DAB1: variants seen among roughly 807,000 people sequenced by gnomAD.
DAB1 encodes the protein DAB adaptor protein 1.
In DAB1, 15 loss-of-function variants were observed where a neutral mutation model predicts 64.6. That is an observed-to-expected ratio of 0.23 (90% CI 0.16 to 0.36). DAB1 has a LOEUF of 0.36. DAB1 is among the 10% of genes least tolerant of loss of function. The pLI is 1.00. For synonymous variants in DAB1, 235 were observed against 251.9 expected (o/e 0.93, Z 0.64); for missense variants, 596 against 706.7 (o/e 0.84, Z 1.78).
At chr1:57,098,145 G>A (rs1654343609) in intron 4 of DAB1, among the ~76,000 whole-genome samples, 2 of 152,024 alleles carry the variant, frequency 1.3e-5, no homozygotes, top group Non-Finnish European at 2.9e-5. Flanking sequence ...TCCAACCTAA[G>A]GTGGGAAAAA....
chr1:57,755,652 G>C (rs1648769964), intron 6 of DAB1, among the ~76,000 whole-genome samples: 1 of 152,108 alleles, frequency 6.6e-6, no homozygotes, highest in Non-Finnish European at 1.5e-5. Flanking sequence ...AGGTCTTACG[G>C]ATCAACTTCC....
chr1:57,934,779 G>A (rs747287818), intron 5 of DAB1, among the ~76,000 whole-genome samples: 12 of 152,130 alleles, frequency 7.9e-5, no homozygotes, highest in Admixed American at 1.3e-4. Flanking sequence ...GTTACGCTGC[G>A]ACAGTAGACA....
chr1:57,371,423 C>G (rs1680486551), intron 1 of DAB1, among the ~76,000 whole-genome samples: 1 of 152,168 alleles, frequency 6.6e-6, no homozygotes, highest in African/African-American at 2.4e-5. Flanking sequence ...GTGCGCATTA[C>G]TATTCAGACA....
In DAB1 at chr1:57,456,150, C is replaced by T. The variant is rs190735758; in HGVS notation, n.626-164984G>A. On this transcript the variant is annotated intron_variant and non_coding_transcript_variant, in intron 7 of 20. Coordinates refer to the DAB1 transcript ENST00000485760. ...GTTTCCTAGGATCACACAGAGTGAG[C>T]TTCTTCTCTTATGCACAGCAGTATT... Among the ~76,000 whole-genome samples, 85 of 152,256 alleles carry T rather than the reference C, an allele frequency of 5.6e-4. 1 individual carries two copies. Among genetic ancestry groups the T allele is most frequent in the South Asian group, 3.7e-3 (18 of 4,822 alleles).
At chr1:57,658,624 A>G (rs1187771280) in intron 6 of DAB1, among the ~76,000 whole-genome samples, 2 of 151,460 alleles carry the variant, frequency 1.3e-5, no homozygotes, top group African/African-American at 4.9e-5. Flanking sequence ...GTACAATGGC[A>G]TGATCTCAGC....
At chr1:57,952,589 CA>C (rs1645302748) in intron 5 of DAB1, among the ~76,000 whole-genome samples, 1 of 152,154 alleles carries the variant, frequency 6.6e-6, no homozygotes, top group Admixed American at 6.5e-5. Flanking sequence ...AAACAGAGCA[CA>C]GACTTACTTC....
intron 2 of DAB1, among the ~76,000 whole-genome samples, chr1:57,146,341 G>A (rs1204157533): frequency 1.3e-5 from 2 of 152,202 alleles, no homozygotes; most frequent in Non-Finnish European, 2.9e-5. Flanking sequence ...ACTTTGATTA[G>A]TCAGAGGTCT....
intron 5 of DAB1, among the ~76,000 whole-genome samples, chr1:57,921,714 C>T (rs951281166): frequency 3.3e-5 from 5 of 151,836 alleles, no homozygotes; most frequent in Admixed American, 6.6e-5. Flanking sequence ...GGTCTCTTCC[C>T]CACCGAGAAA....
intron 4 of DAB1, among the ~76,000 whole-genome samples, chr1:57,085,359 C>T (rs941979488): frequency 2.6e-5 from 4 of 152,148 alleles, no homozygotes; most frequent in Non-Finnish European, 2.9e-5. Flanking sequence ...GAGACAACTG[C>T]GCCCAAGTGA....
intron 2 of DAB1, among the ~76,000 whole-genome samples, chr1:57,219,423 T>C (rs1268301361): frequency 6.6e-6 from 1 of 152,152 alleles, no homozygotes; most frequent in Admixed American, 6.5e-5. Flanking sequence ...TTAGGCAAAT[T>C]GGTGCTTTCA....
chr1:57,347,214 G>A (rs1389205619), intron 1 of DAB1, among the ~76,000 whole-genome samples: 1 of 152,178 alleles, frequency 6.6e-6, no homozygotes, highest in Non-Finnish European at 1.5e-5. Flanking sequence ...GCAAAGTCCT[G>A]CCCCAAATGG....
intron 4 of DAB1, among the ~76,000 whole-genome samples, chr1:58,205,552 A>G (rs1658227263): frequency 6.6e-6 from 1 of 152,196 alleles, no homozygotes; most frequent in Non-Finnish European, 1.5e-5. Context: ...AGTGGACCTA[A>G]AGTAGGTTTT....
chr1:57,075,603 T>G (rs1417933288), intron 4 of DAB1, among the ~76,000 whole-genome samples: 1 of 152,208 alleles, frequency 6.6e-6, no homozygotes, highest in Non-Finnish European at 1.5e-5. Context: ...CTTTAGAAAC[T>G]TAGAGTATCA....
chr1:57,147,888 G>A (rs186307247), intron 2 of DAB1, among the ~76,000 whole-genome samples: 9 of 152,300 alleles, frequency 5.9e-5, no homozygotes, highest in African/African-American at 2.2e-4. Context: ...CAAACTTACT[G>A]AGTAGAACCT....
At chr1:57,649,595 T>A (rs988951957) in exon 7 of DAB1, 3 of 152,204 alleles carry the variant, frequency 2.0e-5, no homozygotes, top group African/African-American at 7.2e-5. Context: ...TATTTACCTT[T>A]GTGTTGTACA....
At chr1:58,313,681 C>G (rs1298533929) in intron 4 of DAB1, among the ~76,000 whole-genome samples, 1 of 152,102 alleles carries the variant, frequency 6.6e-6, no homozygotes, top group East Asian at 1.9e-4. Context: ...ATACCATACC[C>G]TGGGTGGCTT....
At chr1:57,966,687 G>T (rs1305334298) in intron 5 of DAB1, among the ~76,000 whole-genome samples, 1 of 152,130 alleles carries the variant, frequency 6.6e-6, no homozygotes, top group Non-Finnish European at 1.5e-5. Context: ...ATGCCAAGGA[G>T]ATTTTTTTTG....
At position 58,001,529 on chromosome 1, in the gene DAB1, G is replaced by A. The variant is rs190929475; in HGVS notation, n.388-117367C>T. Among the ~76,000 whole-genome samples the A allele has an allele frequency of 4.3e-3, 657 of 152,254 alleles. 2 individuals are homozygous for A. The highest frequency in any genetic ancestry group is 7.8e-3 in the Non-Finnish European group (530 of 68,028). ...CCTGCCTCGGCCTCCCAAGGTGCTG[G>A]GATTACAGGCACGAGCCACCACACC... On this transcript the variant is annotated intron_variant and non_coding_transcript_variant, in intron 5 of 20. Transcript: ENST00000485760.
At chr1:57,770,262 G>C (rs1283953916) in intron 6 of DAB1, among the ~76,000 whole-genome samples, 1 of 151,936 alleles carries the variant, frequency 6.6e-6, no homozygotes, top group Non-Finnish European at 1.5e-5. Context: ...TAATAAAAAA[G>C]CCTGTTTTTC....
Sources: gnomAD v4.1 joint callset for allele counts (sites outside exome capture counted in the v4.1 genomes callset) on GRCh38, gnomAD v4.1.1 for gene constraint, MANE v1.5 for transcripts, NCBI Gene and HGNC (gene_info 2026-07-23, HGNC 2026-07-21) for gene names.